The following ERC2 variants were observed in gnomAD, a reference collection of about 807,000 sequenced individuals.
The protein encoded by ERC2 is ELKS/RAB6-interacting/CAST family member 2.
Under a neutral mutation model 114.8 loss-of-function variants are expected in ERC2, and 42 were observed. That is an observed-to-expected ratio of 0.37 (90% CI 0.29 to 0.47). The LOEUF is 0.47. Ranked by LOEUF, ERC2 falls within the 20% of genes least tolerant of loss-of-function variation. The pLI, the probability that ERC2 is intolerant of heterozygous loss-of-function variation, is 0.99. For missense variants in ERC2, 939 were observed against 1,150.7 expected (o/e 0.82, Z 2.66); for synonymous variants, 454 against 425.5 (o/e 1.07, Z -0.82).
chr3:56,172,846 A>C (rs180872721), intron 4 of ERC2, among the ~76,000 whole-genome samples: 19 of 152,324 alleles, frequency 1.2e-4, no homozygotes, highest in African/African-American at 4.6e-4. Flanking sequence ...TAAACGCCCT[A>C]AATTCTCTCA....
At chr3:56,261,372 T>C (rs2052913579) in intron 3 of ERC2, among the ~76,000 whole-genome samples, 1 of 152,226 alleles carries the variant, frequency 6.6e-6, no homozygotes, top group South Asian at 2.1e-4. Flanking sequence ...CTATCTACAC[T>C]GTCTAGTGGA....
intron 13 of ERC2, among the ~76,000 whole-genome samples, chr3:55,890,649 C>T (rs1392740237): frequency 1.3e-5 from 2 of 152,184 alleles, no homozygotes; most frequent in Non-Finnish European, 2.9e-5. Flanking sequence ...GCAAGAAGCA[C>T]ATGGAGAAAC....
chr3:55,762,906 C>A (rs2067542712), intron 14 of ERC2, among the ~76,000 whole-genome samples: 2 of 152,196 alleles, frequency 1.3e-5, no homozygotes, highest in African/African-American at 4.8e-5. Context: ...AACCACTGTC[C>A]AGTTCAGTTC....
At chr3:56,029,008 A>G (rs779153081) in intron 7 of ERC2, among the ~76,000 whole-genome samples, 10 of 152,064 alleles carry the variant, frequency 6.6e-5, no homozygotes, top group Non-Finnish European at 1.5e-4. Context: ...AGTTTTTATT[A>G]TGAATGGGTA....
intron 17 of ERC2, among the ~76,000 whole-genome samples, chr3:55,619,802 C>T (rs2059258144): frequency 6.6e-6 from 1 of 152,140 alleles, no homozygotes; most frequent in African/African-American, 2.4e-5. Context: ...ATATGCCTGC[C>T]AAAGCACCAT....
At chr3:56,444,672 C>T (rs2062479230) in intron 1 of ERC2, among the ~76,000 whole-genome samples, 1 of 152,150 alleles carries the variant, frequency 6.6e-6, no homozygotes, top group South Asian at 2.1e-4. Context: ...CTCAGACTAT[C>T]ATGGTCTGGA....
chr3:55,647,625 G>A (rs563793658), intron 17 of ERC2, among the ~76,000 whole-genome samples: 6 of 152,210 alleles, frequency 3.9e-5, no homozygotes, highest in South Asian at 2.1e-4. Flanking sequence ...ATATCTTTAC[G>A]TAGACTTAAA....
intron 17 of ERC2, among the ~76,000 whole-genome samples, chr3:55,549,921 G>A (rs1284537758): frequency 1.0e-4 from 6 of 59,884 alleles, no homozygotes; most frequent in East Asian, 4.2e-4. Flanking sequence ...CCCCCTCCCC[G>A]ACACACACAA....
intron 3 of ERC2, among the ~76,000 whole-genome samples, chr3:56,241,866 G>A (rs1311142762): frequency 6.6e-6 from 1 of 152,194 alleles, no homozygotes. Flanking sequence ...AATGCCAGCT[G>A]CCAGTTTTGT....
rs150222340 is a variant in ERC2 at position 55,975,897 on chromosome 3, T to A, written c.2267+10080A>T. Among the ~76,000 whole-genome samples, 161 of 152,312 alleles carry A rather than the reference T, an allele frequency of 1.1e-3. 6 individuals carry two copies. The East Asian group carries it at 0.023, about 22-fold the overall frequency. The stretch of plus-strand genomic sequence containing the variant: ...CATCTGGTAAAATCTTTTCCATTTT[T>A]CTAGTCCAGCACAAATACCACCACA... On this transcript the variant is annotated intron_variant, in intron 12 of 17. Coordinates refer to ENST00000288221, the MANE Select transcript of ERC2 (RefSeq NM_015576.3).
At chr3:56,377,393 T>C (rs1012468107) in intron 2 of ERC2, among the ~76,000 whole-genome samples, 1 of 152,208 alleles carries the variant, frequency 6.6e-6, no homozygotes, top group Non-Finnish European at 1.5e-5. Context: ...AAGACAGATC[T>C]TTTGGGTCCT....
chr3:56,172,835 T>G (rs563297251), intron 4 of ERC2, among the ~76,000 whole-genome samples: 1 of 152,342 alleles, frequency 6.6e-6, no homozygotes, highest in Non-Finnish European at 1.5e-5. Flanking sequence ...TCATGATTCC[T>G]TAAACGCCCT....
chr3:55,706,335 T>C (rs1355912089), intron 15 of ERC2, among the ~76,000 whole-genome samples: 1 of 152,090 alleles, frequency 6.6e-6, no homozygotes, highest in Non-Finnish European at 1.5e-5. Context: ...ATAAACTACC[T>C]GCAGTAAAAG....
chr3:56,284,773 AT>A (rs1201493254), intron 3 of ERC2, among the ~76,000 whole-genome samples: 1 of 152,048 alleles, frequency 6.6e-6, no homozygotes, highest in Non-Finnish European at 1.5e-5. Context: ...AATGTCTTTT[AT>A]TTTCACAAAG....
chr3:55,608,044 G>A (rs1647819526), intron 17 of ERC2: 1 of 152,158 alleles, frequency 6.6e-6, no homozygotes, highest in African/African-American at 2.4e-5. Flanking sequence ...CCAGCAGCTT[G>A]AATATTGCCC....
intron 3 of ERC2, among the ~76,000 whole-genome samples, chr3:56,283,304 T>C (rs993171426): frequency 3.9e-5 from 6 of 152,128 alleles, no homozygotes; most frequent in African/African-American, 1.4e-4. Flanking sequence ...CACCACTGTG[T>C]ATCATGAAGG....
At chr3:56,171,684 GC>G (rs1247200408) in intron 4 of ERC2, among the ~76,000 whole-genome samples, 1 of 151,732 alleles carries the variant, frequency 6.6e-6, no homozygotes, top group Non-Finnish European at 1.5e-5. Flanking sequence ...AAAACATAAT[GC>G]TAAAAACAAC....
At chr3:56,107,139 G>A (rs1575445548) in intron 6 of ERC2, among the ~76,000 whole-genome samples, 1 of 152,202 alleles carries the variant, frequency 6.6e-6, no homozygotes, top group East Asian at 1.9e-4. Flanking sequence ...GGAACAAAAG[G>A]CCAAGATATT....
chr3:56,331,952 AG>A lies in ERC2; in HGVS notation c.658-35518del, dbSNP rs151124781. Among the ~76,000 whole-genome samples, 325 of 152,296 alleles carry A rather than the reference AG, an allele frequency of 2.1e-3. 1 individual carries two copies. Among genetic ancestry groups the A allele is most frequent in the African/African-American group, 7.4e-3 (308 of 41,570 alleles). ...TTCTAGCGACTATACCACAAAACCC[AG>A]ATTATGTAAGGCCTGATTCCTGCTG... On this transcript the variant is annotated intron_variant, in intron 2 of 17. Coordinates refer to ENST00000288221, the MANE Select transcript of ERC2 (RefSeq NM_015576.3).
Sources: gnomAD v4.1 joint callset for allele counts (sites outside exome capture counted in the v4.1 genomes callset) on GRCh38, gnomAD v4.1.1 for gene constraint, MANE v1.5 for transcripts, NCBI Gene and HGNC (gene_info 2026-07-23, HGNC 2026-07-21) for gene names.